Variants in CYFIP1 observed in about 807,000 individuals in gnomAD.
CYFIP1 encodes the protein cytoplasmic FMR1-interacting protein 1.
CYFIP1 carries 58 observed loss-of-function variants against 163.5 expected under a neutral mutation model. The ratio of observed to expected loss-of-function variants is 0.35; its 90% CI spans 0.29 to 0.44. CYFIP1 has a LOEUF of 0.44. Among genes scored for constraint, CYFIP1 ranks in the 20% least tolerant of loss-of-function variants. CYFIP1 has a pLI of 1.00. For synonymous variants in CYFIP1, 663 were observed against 660.7 expected (o/e 1.00, Z -0.05); for missense variants, 1,338 against 1,653.8 (o/e 0.81, Z 3.31).
intron 30 of CYFIP1, among the ~76,000 whole-genome samples, chr15:22,872,476 G>GGAT (rs2059464529): frequency 6.6e-6 from 1 of 152,024 alleles, no homozygotes; most frequent in African/African-American, 2.4e-5. Flanking sequence ...CAACTATGAG[G>GGAT]GATCCATAAA....
rs560344698 is a variant in CYFIP1, at chr15:22,874,724, A to G, written c.3116-80T>C. 39 of 963,846 alleles carry G rather than the reference A, an allele frequency of 4.0e-5. 1 individual carries two copies. The African/African-American group carries it at 5.9e-4, about 15-fold the overall frequency. 59.7% of individuals were successfully genotyped at this position (963,846 alleles called of 1,614,324 possible). A position where few individuals can be genotyped will look rare whatever the true frequency, so the allele number is the denominator to read the frequency against. On this transcript the variant is annotated intron_variant, in intron 27 of 30. Transcript: ENST00000617928. The stretch of plus-strand genomic sequence containing the variant: ...TGCAAAGGTTTACATTTGTTTAAAA[A>G]ACAAAAGATTTTTAAGTTAACATTA...
At chr15:22,931,733 G>C (rs2061545671) in intron 11 of CYFIP1, among the ~76,000 whole-genome samples, 1 of 111,318 alleles carries the variant, frequency 9.0e-6, no homozygotes, top group African/African-American at 3.4e-5. Context: ...GCTGAACAGA[G>C]AGAACACTAG....
Position 22,869,292 on chromosome 15 carries a change from A to C in CYFIP1, c.*736T>G, listed in dbSNP as rs573720618. ...CACCTCATTTGCCTGCGGAACCCTA[A>C]ATATAAAGCTAAACCTGTGCTGAGG... is the stretch of plus-strand genomic sequence containing the variant. On this transcript the variant is annotated 3_prime_UTR_variant, in exon 31 of 31. Transcript: ENST00000617928. The C allele has an allele frequency of 6.8e-6, 1 of 147,882 alleles. No homozygotes were observed. Among genetic ancestry groups the C allele is most frequent in the East Asian group, 2.0e-4 (1 of 4,990 alleles). The allele number at this position is 147,882 out of a possible 1,614,324, so 9.2% of individuals were successfully genotyped here.
intron 3 of CYFIP1, 41 bp from the exon 4 acceptor site, chr15:22,944,980 A>G: frequency 1.3e-6 from 2 of 1,572,426 alleles, no homozygotes; most frequent in Non-Finnish European, 1.8e-6. Context: ...AGGCGGGGGA[A>G]CTAGCATGAA....
At chr15:22,897,124 A>AC (rs1595542232) in intron 22 of CYFIP1, among the ~76,000 whole-genome samples, 1 of 152,148 alleles carries the variant, frequency 6.6e-6, no homozygotes, top group East Asian at 1.9e-4. Context: ...GAGGCAGGAG[A>AC]ATCACTTGAA....
intron 25 of CYFIP1, among the ~76,000 whole-genome samples, chr15:22,880,672 A>T (rs2059731344): frequency 6.6e-6 from 1 of 152,182 alleles, no homozygotes; most frequent in Non-Finnish European, 1.5e-5. Flanking sequence ...TGGCATCAGG[A>T]GGGGCCTAAA....
chr15:22,967,839 CA>C (rs922873974), intron 1 of CYFIP1, among the ~76,000 whole-genome samples: 4 of 152,084 alleles, frequency 2.6e-5, no homozygotes, highest in Non-Finnish European at 5.9e-5. Flanking sequence ...AGTTCATGAC[CA>C]GCCTGGGCTA....
At chr15:22,962,183 A>C (rs1167875933) in intron 1 of CYFIP1, among the ~76,000 whole-genome samples, 1 of 152,180 alleles carries the variant, frequency 6.6e-6, no homozygotes, top group African/African-American at 2.4e-5. Flanking sequence ...AGGATTTTTA[A>C]AACTGGGACT....
intron 1 of CYFIP1, chr15:22,951,591 T>C (rs1368117723): frequency 3.1e-6 from 4 of 1,276,792 alleles, no homozygotes; most frequent in Middle Eastern, 3.3e-4. Flanking sequence ...TGAACCCAGA[T>C]AGTGCCAGGA....
chr15:22,915,576 C>A (rs2142094755), intron 16 of CYFIP1, among the ~76,000 whole-genome samples: 1 of 152,172 alleles, frequency 6.6e-6, no homozygotes, highest in African/African-American at 2.4e-5. Context: ...TGGTAAAACC[C>A]CATCTCTACT....
chr15:22,910,567 G>A lies in CYFIP1; in HGVS notation c.2221C>T (p.Pro741Ser), dbSNP rs1349585917. 1.9e-6 allele frequency: 3 copies of A among 1,614,208 alleles called. No individual in the cohort carries two copies. The highest frequency in any genetic ancestry group is 1.3e-5 in the African/African-American group (1 of 75,060). ...CKNQGATIHL[P>S]PSNRYETLLK... Reference sequence around the variant, plus strand: ...AGCGTCTCGTAGCGGTTAGACGGCGGGAGGTGGATCGTGGCTCCCTGATTC... The same window carrying A: ...AGCGTCTCGTAGCGGTTAGACGGCGAGAGGTGGATCGTGGCTCCCTGATTC... The change falls in exon 20 of 31, where the codon CCG becomes TCG. Residue 741 changes from proline to serine, a missense_variant. This residue lies in a region of CYFIP1 where 824 missense variants were observed against 995.7 expected (regional missense o/e 0.83). Transcript: ENST00000617928.
intron 26 of CYFIP1, among the ~76,000 whole-genome samples, chr15:22,878,492 A>G (rs2059648783): frequency 6.6e-6 from 1 of 152,096 alleles, no homozygotes; most frequent in Non-Finnish European, 1.5e-5. Flanking sequence ...CACAGAGAGA[A>G]AGAAGCTTCC....
rs201147075 is a variant in CYFIP1, at chr15:22,903,715, G to C, written c.2579C>G (p.Ser860Cys). Residue 860 changes from serine (S) to cysteine (C), a missense_variant, in exon 22 of 31, where the codon TCT becomes TGT. This residue lies in a region of CYFIP1 where 824 missense variants were observed against 995.7 expected (regional missense o/e 0.83). Transcript: ENST00000617928. ...DFLPNYCYNGSTNRFVRTVLP... is the reference protein window; with the variant it reads ...DFLPNYCYNGCTNRFVRTVLP... ...TGGCGGGCACGCTCACCGGTTGGTA[G>C]AGCCGTTGTAGCAGTAGTTGGGCAG... The C allele has an allele frequency of 1.1e-4, 185 of 1,613,424 alleles. No homozygotes were observed. The highest frequency in any genetic ancestry group is 1.4e-4 in the Non-Finnish European group (168 of 1,180,042).
At chr15:22,957,284 C>T (rs918151468) in intron 1 of CYFIP1, among the ~76,000 whole-genome samples, 5 of 152,164 alleles carry the variant, frequency 3.3e-5, no homozygotes, top group African/African-American at 9.7e-5. Context: ...AGGCGGATCA[C>T]GAGGTCAGGA....
rs1281183905 is a variant in CYFIP1, at chr15:22,941,222, G to GT, written c.570-1716dup. Among the ~76,000 whole-genome samples the GT allele has an allele frequency of 1.2e-4, 17 of 147,400 alleles. No individual in the cohort carries two copies. In the South Asian group the frequency reaches 2.3e-3, roughly 20 times the overall value. On this transcript the variant is annotated intron_variant, in intron 6 of 30. Transcript: ENST00000617928. ...AGGTGCATGCCACCACACCCAGCTA[G>GT]TTTTTTTTGCTCTTGTTTTTTTAGA...
At chr15:22,947,353 C>T in intron 1 of CYFIP1, 62 bp from the exon 2 acceptor site, 4 of 1,582,386 alleles carry the variant, frequency 2.5e-6, no homozygotes, top group Non-Finnish European at 3.4e-6. Flanking sequence ...CAACAAGCTT[C>T]GAGGTTGGGT....
At chr15:22,957,718 GT>G (rs1177541846) in intron 1 of CYFIP1, among the ~76,000 whole-genome samples, 11 of 152,218 alleles carry the variant, frequency 7.2e-5, no homozygotes, top group Non-Finnish European at 8.8e-5. Context: ...ACTATGAAAT[GT>G]TTCTGCAAAC....
At chr15:22,904,004 A>C in intron 21 of CYFIP1, 99 bp from the exon 22 acceptor site, 1 of 1,157,126 alleles carries the variant, frequency 8.6e-7, no homozygotes, top group Non-Finnish European at 1.2e-6. Context: ...AGTCCCTGGC[A>C]GGGCTGCACG....
rs35976278 is a variant in CYFIP1, at chr15:22,966,373, C to CAA, written c.-7+13912_-7+13913dup. ...GGGCAACAAAAGCAAAACTCCGTCT[C>CAA]AAAAAAAAAAAAAAAAGACAAGATT... On this transcript the variant is annotated intron_variant, in intron 1 of 30. Coordinates refer to ENST00000617928, the MANE Select transcript of CYFIP1 (RefSeq NM_014608.6). Among the ~76,000 whole-genome samples the CAA allele has an allele frequency of 4.7e-4, 46 of 96,884 alleles. 1 individual carries two copies. Among genetic ancestry groups the CAA allele is most frequent in the East Asian group, 8.9e-4 (3 of 3,388 alleles). The allele number at this position is 96,884 out of a possible 152,430, so 63.6% of individuals were successfully genotyped here.
Sources: allele counts gnomAD v4.1 joint callset (sites outside exome capture counted in the v4.1 genomes callset), GRCh38; gene constraint gnomAD v4.1.1; regional missense constraint gnomAD v4.1.1; transcripts MANE v1.5; gene names NCBI Gene and HGNC (gene_info 2026-07-23, HGNC 2026-07-21).